UNC5D: variants seen among roughly 807,000 people sequenced by gnomAD.
The protein encoded by UNC5D is netrin receptor UNC5D.
In UNC5D, 39 loss-of-function variants were observed where a neutral mutation model predicts 105.4. That is an observed-to-expected ratio of 0.37 (90% confidence interval 0.29 to 0.48). The LOEUF (loss-of-function observed/expected upper bound fraction) is 0.48, where lower values mean the gene tolerates loss of function less well. Among genes scored for constraint, UNC5D ranks in the 20% least tolerant of loss-of-function variants. The pLI is 0.98. For synonymous variants in UNC5D, 452 were observed against 450.4 expected, an observed-to-expected ratio of 1.00 and a Z score of -0.04; for missense variants, 991 against 1,202.4, an observed-to-expected ratio of 0.82 and a Z score of 2.60.
At chr8:35,397,441 C>G (rs1230275438) in intron 1 of UNC5D, among the ~76,000 whole-genome samples, 1 of 152,130 alleles carries the variant, frequency 6.6e-6, no homozygotes. Context: ...TTTTAAGGAA[C>G]AACAGTCTGG....
intron 1 of UNC5D, among the ~76,000 whole-genome samples, chr8:35,344,595 A>G (rs1413852198): frequency 6.6e-6 from 1 of 152,154 alleles, no homozygotes; most frequent in East Asian, 1.9e-4. Flanking sequence ...GGCTCTTTGT[A>G]AACTGTTTAA....
At chr8:35,425,343 A>C (rs1336060030) in intron 1 of UNC5D, among the ~76,000 whole-genome samples, 3 of 152,190 alleles carry the variant, frequency 2.0e-5, no homozygotes, top group African/African-American at 7.2e-5. Context: ...AGATCTGGGA[A>C]GTTTCCACTT....
intron 1 of UNC5D, among the ~76,000 whole-genome samples, chr8:35,386,829 G>A (rs1382133109): frequency 6.6e-6 from 1 of 152,136 alleles, no homozygotes; most frequent in East Asian, 1.9e-4. Flanking sequence ...GAAAGCTGTG[G>A]TAGAAAATGC....
At chr8:35,284,110 A>G in intron 1 of UNC5D, among the ~76,000 whole-genome samples, 1 of 152,326 alleles carries the variant, frequency 6.6e-6, no homozygotes, top group Middle Eastern at 3.4e-3. Flanking sequence ...AAATAAAATA[A>G]GATAAAGACT....
intron 1 of UNC5D, among the ~76,000 whole-genome samples, chr8:35,412,565 C>G (rs1805246296): frequency 6.6e-6 from 1 of 151,928 alleles, no homozygotes. Flanking sequence ...CTTAACCTCT[C>G]CCTCCCATGG....
At chr8:35,786,240 G>A (rs767535639) in intron 16 of UNC5D, among the ~76,000 whole-genome samples, 18 of 152,140 alleles carry the variant, frequency 1.2e-4, no homozygotes, top group Non-Finnish European at 2.4e-4. Flanking sequence ...AAAATTAAAT[G>A]GAATTTGAGA....
intron 1 of UNC5D, among the ~76,000 whole-genome samples, chr8:35,413,995 A>C (rs927698734): frequency 1.3e-5 from 2 of 152,110 alleles, no homozygotes; most frequent in South Asian, 4.1e-4. Flanking sequence ...CTGACCTCAG[A>C]TTCTTGACTG....
intron 16 of UNC5D, among the ~76,000 whole-genome samples, chr8:35,784,345 C>G (rs1802642811): frequency 6.6e-6 from 1 of 152,144 alleles, no homozygotes; most frequent in Non-Finnish European, 1.5e-5. Context: ...TACAGTTTAT[C>G]TGTGCTCACT....
intron 1 of UNC5D, among the ~76,000 whole-genome samples, chr8:35,397,190 G>A (rs984825500): frequency 1.3e-5 from 2 of 152,208 alleles, no homozygotes; most frequent in Non-Finnish European, 2.9e-5. Context: ...ACAGGTGTGA[G>A]CCACCACGCC....
intron 4 of UNC5D, among the ~76,000 whole-genome samples, chr8:35,678,833 C>A (rs1041330707): frequency 2.0e-5 from 3 of 151,454 alleles, no homozygotes; most frequent in Non-Finnish European, 2.9e-5. Context: ...TCTCTTTTTT[C>A]TCTTTCTTTC....
chr8:35,550,690 T>C (rs1251725838), intron 2 of UNC5D, among the ~76,000 whole-genome samples: 2 of 152,126 alleles, frequency 1.3e-5, no homozygotes. Flanking sequence ...GAAGTTAGGA[T>C]AAATATCTGA....
chr8:35,370,081 T>G (rs988603471), intron 1 of UNC5D, among the ~76,000 whole-genome samples: 1 of 152,198 alleles, frequency 6.6e-6, no homozygotes, highest in African/African-American at 2.4e-5. Context: ...GCAGACTTTG[T>G]AAGAAGCTAA....
chr8:35,726,465 G>T lies in UNC5D; in HGVS notation c.1617G>T (p.Arg539Ser), dbSNP rs752348241. The change falls in exon 10 of 17, where the codon AGG becomes AGT. Residue 539 changes from arginine (R) to serine (S), a missense_variant. Arg to Ser is a moderately radical substitution (Grantham distance 110). Around this residue, in one of 3 missense-constraint regions of UNC5D, gnomAD observed 944 missense variants for 1,131.6 expected, o/e 0.83. Coordinates refer to ENST00000404895, the MANE Select transcript of UNC5D (RefSeq NM_080872.4). ...YIQNLSSLPT[R>S]TELRTTGVFG... The stretch of plus-strand genomic sequence containing the variant: ...AAAATCTGTCATCACTCCCCACAAG[G>T]ACAGAACTGAGGACAACTGGTGTCT... The T allele has an allele frequency of 6.2e-7, 1 of 1,614,074 alleles. No individual in the cohort carries two copies.
chr8:35,365,853 A>C (rs1409168864), intron 1 of UNC5D, among the ~76,000 whole-genome samples: 2 of 152,158 alleles, frequency 1.3e-5, no homozygotes, highest in Non-Finnish European at 2.9e-5. Context: ...TGAGAGTTGA[A>C]TGAAAAAATA....
chr8:35,709,797 A>G (rs1827824635), intron 8 of UNC5D, among the ~76,000 whole-genome samples: 1 of 152,204 alleles, frequency 6.6e-6, no homozygotes, highest in South Asian at 2.1e-4. Flanking sequence ...AGTCAAGGCA[A>G]AGGGAACAGC....
In UNC5D at chr8:35,602,724, A is replaced by AT. The variant is rs533996843; in HGVS notation, c.570+7074dup. On this transcript the variant is annotated intron_variant, in intron 4 of 16. Transcript: ENST00000404895. ...TATTAGTCTTGCTAGCAGTCTATCTATTTTTTTGTAATTGTACTTTAAGTT... is the reference window on the plus strand; with the variant it reads ...TATTAGTCTTGCTAGCAGTCTATCTATTTTTTTTGTAATTGTACTTTAAGTT... 3.6e-3 allele frequency among the ~76,000 whole-genome samples: 546 copies of AT among 151,926 alleles called. 3 individuals carry two copies. Among genetic ancestry groups the AT allele is most frequent in the African/African-American group, 0.012 (511 of 41,384 alleles).
intron 1 of UNC5D, among the ~76,000 whole-genome samples, chr8:35,302,542 C>T (rs776445928): frequency 1.3e-5 from 2 of 152,132 alleles, no homozygotes; most frequent in African/African-American, 2.4e-5. Context: ...GGGTTGTGCA[C>T]GCAAGTGCAC....
At chr8:35,670,535 G>T (rs777762121) in intron 4 of UNC5D, among the ~76,000 whole-genome samples, 43 of 152,102 alleles carry the variant, frequency 2.8e-4, no homozygotes, top group Admixed American at 8.5e-4. Context: ...GCCATAAAAA[G>T]AAATGAGATC....
intron 3 of UNC5D, among the ~76,000 whole-genome samples, chr8:35,591,714 C>T (rs1269118861): frequency 1.3e-5 from 2 of 152,100 alleles, no homozygotes; most frequent in African/African-American, 4.8e-5. Context: ...TTATTAAGAA[C>T]CTGCCCTGTA....
Sources: gnomAD v4.1 joint callset for allele counts (sites outside exome capture counted in the v4.1 genomes callset) on GRCh38, gnomAD v4.1.1 for gene constraint, gnomAD v4.1.1 regional missense constraint, MANE v1.5 for transcripts, NCBI Gene and HGNC (gene_info 2026-07-23, HGNC 2026-07-21) for gene names.